The following OPCML variants were observed in gnomAD, a reference collection of about 807,000 sequenced individuals.
OPCML encodes opioid binding protein/cell adhesion molecule like.
OPCML carries 13 observed loss-of-function variants against 37.8 expected under a neutral mutation model. The ratio of observed to expected loss-of-function variants is 0.34; its 90% CI spans 0.22 to 0.55. The LOEUF (loss-of-function observed/expected upper bound fraction) is 0.55, where lower values mean the gene tolerates loss of function less well. Among genes scored for constraint, OPCML ranks in the 20% least tolerant of loss-of-function variants. OPCML has a pLI of 0.91. For missense variants in OPCML, 341 were observed against 435.6 expected (o/e 0.78, Z 1.93); for synonymous variants, 176 against 168.8 (o/e 1.04, Z -0.33).
At chr11:133,231,357 T>C (rs1003279395) in intron 1 of OPCML, among the ~76,000 whole-genome samples, 1 of 152,110 alleles carries the variant, frequency 6.6e-6, no homozygotes, top group Admixed American at 6.5e-5. Flanking sequence ...TCCCTTCACA[T>C]GTCATAACTG....
intron 1 of OPCML, among the ~76,000 whole-genome samples, chr11:133,476,708 T>A (rs1207523293): frequency 6.6e-6 from 1 of 152,126 alleles, no homozygotes; most frequent in East Asian, 1.9e-4. Flanking sequence ...GTCCTGGTGA[T>A]GATTAATACC....
chr11:133,514,101 A>T (rs889537983), intron 1 of OPCML, among the ~76,000 whole-genome samples: 15 of 152,208 alleles, frequency 9.9e-5, no homozygotes, highest in African/African-American at 3.6e-4. Context: ...GAAAACAAAG[A>T]CACCCCAAAA....
At position 132,745,580 on chromosome 11, in the gene OPCML, A is replaced by AAAAAG. The variant is rs1555183231; in HGVS notation, c.147-88262_147-88261insCTTTT. ...CTGTCTTGCAAAAAAAAAAAAAAAA[A>AAAAAG]AAAGAAAGAAAGAAAGAAAGAAAGA... On this transcript the variant is annotated intron_variant, in intron 2 of 7. Transcript: ENST00000524381. Among the ~76,000 whole-genome samples, 381 of 87,528 alleles carry AAAAAG rather than the reference A, an allele frequency of 4.4e-3. 1 individual carries two copies. Among genetic ancestry groups the AAAAAG allele is most frequent in the African/African-American group, 0.016 (363 of 22,462 alleles). 57.4% of individuals were successfully genotyped at this position (87,528 alleles called of 152,430 possible). A position where few individuals can be genotyped will look rare whatever the true frequency, so the allele number is the denominator to read the frequency against.
intron 2 of OPCML, among the ~76,000 whole-genome samples, chr11:132,796,560 TCTTTC>T (rs1194282342): frequency 3.5e-5 from 5 of 144,042 alleles, no homozygotes; most frequent in African/African-American, 7.8e-5. Flanking sequence ...CCACTTTTCT[TCTTTC>T]TTTTTTTTTT....
intron 4 of OPCML, among the ~76,000 whole-genome samples, chr11:132,442,151 T>C (rs2096038072): frequency 6.6e-6 from 1 of 152,216 alleles, no homozygotes; most frequent in African/African-American, 2.4e-5. Context: ...TTGCATAGTC[T>C]GCAATCTCAT....
At chr11:132,852,951 C>T (rs1198211247) in intron 2 of OPCML, among the ~76,000 whole-genome samples, 4 of 151,442 alleles carry the variant, frequency 2.6e-5, no homozygotes, top group South Asian at 2.1e-4. Flanking sequence ...TTATGTAGCC[C>T]GCAAAGCCTA....
chr11:132,642,084 G>A (rs1344469555), intron 3 of OPCML, among the ~76,000 whole-genome samples: 2 of 152,148 alleles, frequency 1.3e-5, no homozygotes, highest in African/African-American at 4.8e-5. Flanking sequence ...GATTCCATTG[G>A]GTATGCAGTA....
At chr11:133,477,102 G>C (rs1286318957) in intron 1 of OPCML, among the ~76,000 whole-genome samples, 2 of 152,124 alleles carry the variant, frequency 1.3e-5, no homozygotes, top group African/African-American at 4.8e-5. Context: ...AGTGCCCCCT[G>C]CCCATCAAGG....
chr11:132,472,842 T>G (rs550525484), intron 4 of OPCML, among the ~76,000 whole-genome samples: 18 of 152,346 alleles, frequency 1.2e-4, no homozygotes, highest in East Asian at 9.7e-4. Flanking sequence ...TACCTCACAG[T>G]GCTGCGCTGA....
At chr11:132,964,405 C>G (rs1179173714) in intron 1 of OPCML, among the ~76,000 whole-genome samples, 1 of 152,156 alleles carries the variant, frequency 6.6e-6, no homozygotes, top group Non-Finnish European at 1.5e-5. Flanking sequence ...GATGTGGGTT[C>G]AAATCCTGAT....
At chr11:133,493,079 C>T (rs1947700808) in intron 1 of OPCML, among the ~76,000 whole-genome samples, 1 of 152,218 alleles carries the variant, frequency 6.6e-6, no homozygotes, top group South Asian at 2.1e-4. Flanking sequence ...CCTCTCCCCT[C>T]AAAACTCTCC....
At chr11:133,161,985 C>CTTTTTTTTTTTTT (rs553617547) in intron 1 of OPCML, among the ~76,000 whole-genome samples, 34 of 85,482 alleles carry the variant, frequency 4.0e-4, no homozygotes, top group Non-Finnish European at 5.7e-4. Context: ...CAGTCTCTGT[C>CTTTTTTTTTTTTT]TTTTTTTTTT....
intron 4 of OPCML, among the ~76,000 whole-genome samples, chr11:132,475,806 AGTATTTT>A (rs1390358712): frequency 2.0e-5 from 3 of 152,248 alleles, no homozygotes; most frequent in Non-Finnish European, 4.4e-5. Flanking sequence ...TGTAACATGC[AGTATTTT>A]GCCAAACATT....
In OPCML at chr11:132,703,030, A is replaced by T. The variant is rs557667028; in HGVS notation, c.147-45711T>A. Among the ~76,000 whole-genome samples, 7 of 151,884 alleles carry T rather than the reference A, an allele frequency of 4.6e-5. No homozygotes were observed. In the South Asian group the frequency reaches 6.3e-4, roughly 14 times the overall value. ...AGCTCTTTAAAGACAATTATTTTAAATTTTTTCAGGCAGTTCCTATATTTC... is the reference window on the plus strand; with the variant it reads ...AGCTCTTTAAAGACAATTATTTTAATTTTTTTCAGGCAGTTCCTATATTTC... On this transcript the variant is annotated intron_variant, in intron 2 of 7. Transcript: ENST00000524381.
At chr11:132,605,869 A>T (rs1001364924) in intron 3 of OPCML, among the ~76,000 whole-genome samples, 1 of 152,208 alleles carries the variant, frequency 6.6e-6, no homozygotes. Context: ...TGAATGAATA[A>T]GTGAACAAAT....
intron 1 of OPCML, among the ~76,000 whole-genome samples, chr11:132,958,478 C>T (rs1033900682): frequency 2.0e-5 from 3 of 152,188 alleles, no homozygotes; most frequent in Admixed American, 6.5e-5. Flanking sequence ...ATGAAGGTGG[C>T]TACACTCAAC....
intron 1 of OPCML, among the ~76,000 whole-genome samples, chr11:133,368,862 T>A (rs7924592): frequency 0.087 from 13,228 of 152,218 alleles, 630 homozygotes; most frequent in Admixed American, 0.15. Context: ...GCAGTAAAGG[T>A]CTATATCCAA....
chr11:132,584,888 A>G (rs993732057), intron 3 of OPCML, among the ~76,000 whole-genome samples: 1 of 152,232 alleles, frequency 6.6e-6, no homozygotes, highest in African/African-American at 2.4e-5. Flanking sequence ...AAAGTAGCAT[A>G]CAGAAAACTA....
intron 1 of OPCML, chr11:133,298,376 T>C (rs1324431191): frequency 1.3e-5 from 2 of 152,204 alleles, no homozygotes; most frequent in Non-Finnish European, 2.9e-5. Flanking sequence ...AATCATCAAA[T>C]ATTTGGAGCA....
Sources: gnomAD v4.1 joint callset for allele counts (sites outside exome capture counted in the v4.1 genomes callset) on GRCh38, gnomAD v4.1.1 for gene constraint, MANE v1.5 for transcripts, NCBI Gene and HGNC (gene_info 2026-07-23, HGNC 2026-07-21) for gene names.